The following DCAF6 variants were observed in gnomAD, a reference collection of about 807,000 sequenced individuals.
DCAF6 encodes DDB1- and CUL4-associated factor 6.
DCAF6 carries 54 observed loss-of-function variants against 125.1 expected under a neutral mutation model. The observed-to-expected ratio is 0.43, with a 90% CI of 0.35 to 0.54. The LOEUF is 0.54. Among genes scored for constraint, DCAF6 ranks in the 20% least tolerant of loss-of-function variants. DCAF6 has a pLI of 0.01. For missense variants in DCAF6, 934 were observed against 1,161.7 expected (o/e 0.80, Z 2.85); for synonymous variants, 371 against 390.4 (o/e 0.95, Z 0.58).
At chr1:167,866,282 C>T in the DCAF6 span, among the ~76,000 whole-genome samples, 5 of 152,096 alleles carry the variant, frequency 3.3e-5, no homozygotes, top group Non-Finnish European at 7.4e-5. Flanking sequence ...ATAGGTCTTT[C>T]GACTCTCACG....
At chr1:167,888,647 C>T in the DCAF6 span, among the ~76,000 whole-genome samples, 2 of 151,950 alleles carry the variant, frequency 1.3e-5, no homozygotes, top group Admixed American at 6.6e-5. Flanking sequence ...GAGGCCGAGG[C>T]GGGCGGATCA....
intron 11 of DCAF6, chr1:168,019,713 A>G (rs1345954720): frequency 4.1e-5 from 8 of 195,840 alleles, no homozygotes; most frequent in Admixed American, 1.1e-4. Flanking sequence ...ACCAATTGGA[A>G]AAAAGTAATT....
chr1:167,926,346 C>T, the DCAF6 span, among the ~76,000 whole-genome samples: 9 of 152,148 alleles, frequency 5.9e-5, no homozygotes, highest in Non-Finnish European at 1.2e-4. Flanking sequence ...CAGTATTGTT[C>T]TGGGCACAGC....
chr1:167,944,747 A>G (rs1672805139), intron 1 of DCAF6, among the ~76,000 whole-genome samples: 1 of 152,170 alleles, frequency 6.6e-6, no homozygotes, highest in South Asian at 2.1e-4. Flanking sequence ...TCTGTCATTC[A>G]ACAGGATTGG....
At position 168,075,215 on chromosome 1, in the gene DCAF6, CTG is replaced by C. The variant is rs71675981; in HGVS notation, c.2792-152_2792-151del. ...ACATGCATAATCAAAGCTAATAATACTGTGTTTTCTTTACTCTTTTATTTGCC... is the reference window on the plus strand; with the variant it reads ...ACATGCATAATCAAAGCTAATAATACTGTTTTCTTTACTCTTTTATTTGCC... On this transcript the variant is annotated intron_variant, in intron 21 of 21. Transcript: ENST00000367840. 8.8e-4 allele frequency among the ~76,000 whole-genome samples: 134 copies of C among 152,272 alleles called. 1 individual carries two copies. In the East Asian group the frequency reaches 0.021, roughly 24 times the overall value.
At chr1:168,042,502 A>G (rs56843139) in intron 13 of DCAF6, among the ~76,000 whole-genome samples, 4,535 of 152,040 alleles carry the variant, frequency 0.03, 196 homozygotes, top group African/African-American at 0.099. Context: ...CTACAGAACT[A>G]TGATGCTCAG....
intron 10 of DCAF6, 105 bp downstream of exon 10, chr1:168,004,898 A>G: frequency 8.1e-7 from 1 of 1,231,800 alleles, no homozygotes; most frequent in Non-Finnish European, 1.1e-6. Context: ...TTGTTGGAAT[A>G]AATGATCAAA....
the DCAF6 span, among the ~76,000 whole-genome samples, chr1:167,885,135 C>T: frequency 2.0e-5 from 3 of 151,992 alleles, no homozygotes; most frequent in African/African-American, 4.8e-5. Context: ...TTTTTTATGG[C>T]TGAATAGTAC....
the DCAF6 span, among the ~76,000 whole-genome samples, chr1:167,912,216 G>C: frequency 6.6e-6 from 1 of 152,184 alleles, no homozygotes; most frequent in African/African-American, 2.4e-5. Context: ...GGCAGATAGA[G>C]AGGAAAAGGG....
At chr1:167,947,476 T>A (rs1160868194) in intron 1 of DCAF6, among the ~76,000 whole-genome samples, 1 of 152,182 alleles carries the variant, frequency 6.6e-6, no homozygotes, top group East Asian at 1.9e-4. Flanking sequence ...TAACTTGTAA[T>A]CTTTCTCCTT....
chr1:168,043,073 T>C lies in DCAF6; in HGVS notation c.1776T>C (p.Ser592=). The C allele has an allele frequency of 7.4e-6, 12 of 1,613,072 alleles. No individual in the cohort carries two copies. Among genetic ancestry groups the C allele is most frequent in the South Asian group, 1.1e-5 (1 of 90,976 alleles). ...SSRGIGSHCK[S]EGQEESFVPQ... Reference sequence around the variant, plus strand: ...GAGGAATTGGGAGCCATTGCAAATCTGAGGGTCAGGAGGAATCTTTCGTCC... The same window carrying C: ...GAGGAATTGGGAGCCATTGCAAATCCGAGGGTCAGGAGGAATCTTTCGTCC... Residue 592 remains serine, a synonymous_variant, in exon 14 of 22, where the codon TCT becomes TCC. Transcript: ENST00000367840.
the DCAF6 span, among the ~76,000 whole-genome samples, chr1:167,866,881 C>T: frequency 2.6e-5 from 4 of 152,122 alleles, no homozygotes; most frequent in Non-Finnish European, 2.9e-5. Context: ...TTTCCAAAGG[C>T]TGGCCCCCAT....
chr1:167,991,863 CT>C (rs892956539), intron 6 of DCAF6, among the ~76,000 whole-genome samples: 1 of 152,118 alleles, frequency 6.6e-6, no homozygotes, highest in African/African-American at 2.4e-5. Context: ...GGGCCCACCC[CT>C]AATCCAGTTA....
the DCAF6 span, chr1:167,893,759 T>C: frequency 1.4e-6 from 1 of 715,810 alleles, no homozygotes; most frequent in Non-Finnish European, 2.4e-6. Context: ...TACTATTTAC[T>C]AGTAGCTGCT....
chr1:167,880,293 G>A, the DCAF6 span: 1 of 1,168,516 alleles, frequency 8.6e-7, no homozygotes, highest in East Asian at 2.5e-5. Context: ...GAAAGGGTGG[G>A]AAAGGATTTT....
intron 4 of DCAF6, among the ~76,000 whole-genome samples, chr1:167,986,492 AT>A (rs1680027311): frequency 6.6e-6 from 1 of 152,220 alleles, no homozygotes; most frequent in Admixed American, 6.5e-5. Flanking sequence ...GGAATATTGT[AT>A]ACAGAAAACC....
In DCAF6 at chr1:167,983,858, A is replaced by G. The variant is rs139871396; in HGVS notation, c.439-3637A>G. 4.5e-4 allele frequency among the ~76,000 whole-genome samples: 68 copies of G among 152,280 alleles called. No individual in the cohort carries two copies. In the East Asian group the frequency reaches 0.012, roughly 28 times the overall value. On this transcript the variant is annotated intron_variant, in intron 4 of 21. Transcript: ENST00000367840. ...AAGCACCCTTAGGATGGGGTTGAAT[A>G]TGGTCAGATTCATGTAAGTCCTTAA...
At chr1:167,883,975 A>C in the DCAF6 span, among the ~76,000 whole-genome samples, 10 of 152,174 alleles carry the variant, frequency 6.6e-5, no homozygotes, top group African/African-American at 2.4e-4. Flanking sequence ...TAATTTTTGT[A>C]GGTCTATAGT....
At chr1:168,025,439 A>G (rs530352507) in intron 12 of DCAF6, among the ~76,000 whole-genome samples, 13 of 152,300 alleles carry the variant, frequency 8.5e-5, no homozygotes, top group Non-Finnish European at 1.8e-4. Context: ...GTAAGAGGTT[A>G]GTATTGAGTG....
Sources: gnomAD v4.1 joint callset for allele counts (sites outside exome capture counted in the v4.1 genomes callset) on GRCh38, gnomAD v4.1.1 for gene constraint, MANE v1.5 for transcripts, NCBI Gene and HGNC (gene_info 2026-07-23, HGNC 2026-07-21) for gene names.